CAPN13: variants seen among roughly 807,000 people sequenced by gnomAD.
CAPN13 encodes calpain-13.
In CAPN13, 90 loss-of-function variants were observed where a neutral mutation model predicts 98.4. That is an observed-to-expected ratio of 0.92 (90% confidence interval 0.77 to 1.09). The LOEUF (loss-of-function observed/expected upper bound fraction) is 1.09. Among genes scored for constraint, CAPN13 ranks in the 50% least tolerant of loss-of-function variants. The probability of loss-of-function intolerance (pLI) is 0.00; values close to 1 mark genes in which losing one functional copy is unlikely to be tolerated. For missense variants in CAPN13, 887 were observed against 841.3 expected, an observed-to-expected ratio of 1.05 and a Z score of -0.67; for synonymous variants, 330 against 305.5, an observed-to-expected ratio of 1.08 and a Z score of -0.84.
intron 8 of CAPN13, among the ~76,000 whole-genome samples, chr2:30,756,661 C>G (rs1006801220): frequency 1.2e-4 from 18 of 152,204 alleles, no homozygotes; most frequent in African/African-American, 3.6e-4. Flanking sequence ...TATTTGGCAA[C>G]TTGGAGTAAT....
At chr2:30,755,841 G>T (rs959847271) in intron 8 of CAPN13, among the ~76,000 whole-genome samples, 1 of 152,138 alleles carries the variant, frequency 6.6e-6, no homozygotes, top group Non-Finnish European at 1.5e-5. Context: ...GAGAATAAAT[G>T]TAGTGTAGAT....
intron 8 of CAPN13, among the ~76,000 whole-genome samples, chr2:30,755,238 C>T (rs1672384918): frequency 6.6e-6 from 1 of 152,054 alleles, no homozygotes; most frequent in Admixed American, 6.5e-5. Flanking sequence ...GGCATTGCCT[C>T]TGGGAAGCCT....
At chr2:30,734,074 G>T (rs527360491) in intron 19 of CAPN13, among the ~76,000 whole-genome samples, 2 of 152,344 alleles carry the variant, frequency 1.3e-5, no homozygotes, top group East Asian at 3.9e-4. Context: ...GAGAGAGAGC[G>T]ATCATCAGCT....
At chr2:30,731,528 G>T (rs1306291649) in intron 20 of CAPN13, 129 bp from the exon 21 acceptor site, 2 of 713,768 alleles carry the variant, frequency 2.8e-6, no homozygotes, top group Non-Finnish European at 2.2e-6. Flanking sequence ...TGCTCCGCGG[G>T]GTGTGCCTGT....
chr2:30,787,756 T>G (rs955024378), intron 1 of CAPN13, among the ~76,000 whole-genome samples: 1 of 151,790 alleles, frequency 6.6e-6, no homozygotes, highest in Non-Finnish European at 1.5e-5. Context: ...GAGGGTTTTG[T>G]GGGATGGGGG....
At chr2:30,768,762 A>G (rs1461291855) in intron 5 of CAPN13, among the ~76,000 whole-genome samples, 4 of 150,958 alleles carry the variant, frequency 2.6e-5, no homozygotes, top group Admixed American at 6.6e-5. Flanking sequence ...AGGATGTGGA[A>G]TGTGCACCTT....
chr2:30,740,221 AG>A (rs1474614744), intron 15 of CAPN13, among the ~76,000 whole-genome samples: 5 of 151,416 alleles, frequency 3.3e-5, no homozygotes, highest in African/African-American at 1.2e-4. Flanking sequence ...CAGCCTCCCA[AG>A]TAGCTGGGAC....
At chr2:30,798,737 T>TA (rs1186224770) in intron 1 of CAPN13, among the ~76,000 whole-genome samples, 2 of 152,152 alleles carry the variant, frequency 1.3e-5, no homozygotes, top group Non-Finnish European at 2.9e-5. Flanking sequence ...CCTTAACAAA[T>TA]ACTCATTTGA....
chr2:30,768,678 TTTCC>T (rs4021142), intron 5 of CAPN13, among the ~76,000 whole-genome samples: 4,529 of 149,264 alleles, frequency 0.03, 67 homozygotes, highest in Middle Eastern at 0.048. Context: ...AACTTTCTTT[TTTCC>T]TTCCTTCCTT....
At chr2:30,758,168 G>A (rs765180393) in intron 7 of CAPN13, 31 bp from the exon 8 acceptor site, 1 of 1,515,830 alleles carries the variant, frequency 6.6e-7, no homozygotes, top group Non-Finnish European at 9.0e-7. Context: ...GAAACTCAGT[G>A]CTCTACAGCA....
At chr2:30,761,902 A>G (rs1287047548) in intron 7 of CAPN13, among the ~76,000 whole-genome samples, 1 of 152,212 alleles carries the variant, frequency 6.6e-6, no homozygotes, top group Non-Finnish European at 1.5e-5. Flanking sequence ...GAGGCCAGGC[A>G]AGTATGAGAA....
intron 2 of CAPN13, among the ~76,000 whole-genome samples, chr2:30,778,861 G>A (rs1336327614): frequency 2.0e-5 from 3 of 152,282 alleles, no homozygotes; most frequent in East Asian, 1.9e-4. Flanking sequence ...CACCAGGTCC[G>A]ACCCTCTGCC....
intron 8 of CAPN13, among the ~76,000 whole-genome samples, chr2:30,756,923 C>T (rs533574399): frequency 6.6e-6 from 1 of 152,318 alleles, no homozygotes; most frequent in Admixed American, 6.5e-5. Context: ...ATACTTTCAT[C>T]CCACACTGGC....
chr2:30,754,488 C>T (rs482384), intron 8 of CAPN13, 124 bp from the exon 9 acceptor site: 570,423 of 673,034 alleles, frequency 0.85, 242,399 homozygotes, highest in African/African-American at 0.92. Flanking sequence ...CAAGTGTCAT[C>T]CTACCTAGGA....
intron 8 of CAPN13, among the ~76,000 whole-genome samples, chr2:30,756,203 G>A (rs751560641): frequency 3.9e-5 from 6 of 152,070 alleles, no homozygotes; most frequent in African/African-American, 9.7e-5. Context: ...CCAGACTTCC[G>A]GCATCAGGCT....
intron 8 of CAPN13, among the ~76,000 whole-genome samples, 179 bp from the exon 9 acceptor site, chr2:30,754,543 G>A (rs959458555): frequency 1.5e-4 from 23 of 152,118 alleles, no homozygotes; most frequent in African/African-American, 4.3e-4. Flanking sequence ...CCAAACATCT[G>A]TCCCCAGCCT....
intron 13 of CAPN13, among the ~76,000 whole-genome samples, chr2:30,742,765 G>A (rs1671726039): frequency 6.6e-6 from 1 of 152,162 alleles, no homozygotes; most frequent in South Asian, 2.1e-4. Context: ...GGGCCCAAGA[G>A]GAGACAAGGG....
intron 19 of CAPN13, 89 bp from the exon 20 acceptor site, chr2:30,732,655 G>A: frequency 1.3e-6 from 2 of 1,497,746 alleles, no homozygotes; most frequent in Admixed American, 2.3e-5. Context: ...TGTTCAGAGG[G>A]CCCGGCCACC....
At chr2:30,736,071 C>A (rs765038735) in intron 18 of CAPN13, among the ~76,000 whole-genome samples, 1 of 152,130 alleles carries the variant, frequency 6.6e-6, no homozygotes, top group Non-Finnish European at 1.5e-5. Flanking sequence ...GAGGGTCTTG[C>A]GTGCCACTCT....
Sources: gnomAD v4.1 joint callset for allele counts (sites outside exome capture counted in the v4.1 genomes callset) on GRCh38, gnomAD v4.1.1 for gene constraint, MANE v1.5 for transcripts, NCBI Gene and HGNC (gene_info 2026-07-23, HGNC 2026-07-21) for gene names.